The following TMCC2 variants were observed in gnomAD, a reference collection of about 807,000 sequenced individuals.
TMCC2 encodes the protein transmembrane and coiled-coil domain family 2.
A neutral mutation model predicts 49.4 loss-of-function variants in TMCC2; 16 were observed. The ratio of observed to expected loss-of-function variants is 0.32; its 90% confidence interval spans 0.22 to 0.49. The LOEUF (loss-of-function observed/expected upper bound fraction) is 0.49, where lower values mean the gene tolerates loss of function less well. Ranked by LOEUF, TMCC2 falls within the 20% of genes least tolerant of loss-of-function variation. The probability of loss-of-function intolerance (pLI) is 0.99; values close to 1 mark genes in which losing one functional copy is unlikely to be tolerated. For missense variants in TMCC2, 762 were observed against 989.8 expected, an observed-to-expected ratio of 0.77 and a Z score of 3.09; for synonymous variants, 397 against 434.1, an observed-to-expected ratio of 0.91 and a Z score of 1.06.
chr1:205,261,821 G>C (rs986624916), intron 2 of TMCC2, among the ~76,000 whole-genome samples: 4 of 152,190 alleles, frequency 2.6e-5, no homozygotes, highest in Non-Finnish European at 5.9e-5. Context: ...GTAAGTGACA[G>C]AGCCAGGATC....
intron 2 of TMCC2, among the ~76,000 whole-genome samples, chr1:205,260,153 G>A (rs1220755530): frequency 6.6e-6 from 1 of 152,222 alleles, no homozygotes; most frequent in Non-Finnish European, 1.5e-5. Context: ...TCTGGAGTCA[G>A]GTACCTGTGG....
intron 1 of TMCC2, among the ~76,000 whole-genome samples, chr1:205,238,113 G>T (rs750803229): frequency 3.3e-5 from 5 of 152,194 alleles, no homozygotes; most frequent in Non-Finnish European, 2.9e-5. Context: ...GACATTTTAG[G>T]AGCTGGAACC....
chr1:205,260,876 G>A (rs1661083340), intron 2 of TMCC2, among the ~76,000 whole-genome samples: 1 of 152,110 alleles, frequency 6.6e-6, no homozygotes, highest in African/African-American at 2.4e-5. Context: ...TTTCATGGCC[G>A]AATAGTATTT....
intron 3 of TMCC2, among the ~76,000 whole-genome samples, chr1:205,270,352 G>A (rs919044897): frequency 3.3e-5 from 5 of 152,120 alleles, no homozygotes; most frequent in Non-Finnish European, 5.9e-5. Flanking sequence ...CTGTAAAGTC[G>A]AAGCATGTGA....
chr1:205,257,388 A>G lies in TMCC2; in HGVS notation c.748-11562A>G, dbSNP rs1037105581. The stretch of plus-strand genomic sequence containing the variant: ...ACAGGTGAGGCGTCTGGTGGGTGGA[A>G]GGAGAGAATTTCACCGGGCGGGGTG... On this transcript the variant is annotated intron_variant, in intron 2 of 4. Transcript: ENST00000358024. The G allele has an allele frequency of 2.4e-6, 3 of 1,232,140 alleles. No individual in the cohort carries two copies. In the African/African-American group the frequency reaches 4.7e-5, roughly 19 times the overall value. 76.3% of individuals were successfully genotyped at this position (1,232,140 alleles called of 1,614,324 possible). A position where few individuals can be genotyped will look rare whatever the true frequency, so the allele number is the denominator to read the frequency against.
At position 205,228,717 on chromosome 1, in the gene TMCC2, C is replaced by T. The variant is rs1249469026; in HGVS notation, c.153C>T (p.Ala51=). 3 of 1,610,964 alleles carry T rather than the reference C, an allele frequency of 1.9e-6. No individual in the cohort carries two copies. Among genetic ancestry groups the T allele is most frequent in the Non-Finnish European group, 2.5e-6 (3 of 1,179,366 alleles). Residue 51 remains alanine (A), a synonymous_variant, in exon 1 of 5, where the codon GCC becomes GCT. Coordinates refer to ENST00000358024, the MANE Select transcript of TMCC2 (RefSeq NM_014858.4). ...ANSAGGPTSD[A]GAAAAPNPGP... is the part of the protein sequence containing the mutation. The stretch of plus-strand genomic sequence containing the variant: ...CTGCTGGCGGGCCAACTTCAGACGC[C>T]GGCGCTGCCGCGGCGCCCAACCCAG...
chr1:205,232,299 C>G (rs542602493), intron 1 of TMCC2, among the ~76,000 whole-genome samples: 2 of 152,332 alleles, frequency 1.3e-5, no homozygotes, highest in East Asian at 3.9e-4. Flanking sequence ...CTCAACTGTT[C>G]CACACACCTG....
chr1:205,262,517 G>A (rs1661158252), intron 2 of TMCC2, among the ~76,000 whole-genome samples: 1 of 152,204 alleles, frequency 6.6e-6, no homozygotes, highest in South Asian at 2.1e-4. Context: ...CTCCAGGGAT[G>A]GGGGCAGGGA....
Position 205,257,378 on chromosome 1 carries a change from G to A in TMCC2, c.748-11572G>A, listed in dbSNP as rs981849923. On this transcript the variant is annotated intron_variant, in intron 2 of 4. Transcript: ENST00000358024. ...CAGTGCCCACACAGGTGAGGCGTCTGGTGGGTGGAAGGAGAGAATTTCACC... is the reference window on the plus strand; with the variant it reads ...CAGTGCCCACACAGGTGAGGCGTCTAGTGGGTGGAAGGAGAGAATTTCACC... 6 of 1,232,218 alleles carry A rather than the reference G, an allele frequency of 4.9e-6. No homozygotes were observed. In the African/African-American group the frequency reaches 9.3e-5, roughly 19 times the overall value. 76.3% of individuals were successfully genotyped at this position (1,232,218 alleles called of 1,614,324 possible). A position where few individuals can be genotyped will look rare whatever the true frequency, so the allele number is the denominator to read the frequency against.
At chr1:205,265,927 A>G (rs1333963304) in intron 2 of TMCC2, among the ~76,000 whole-genome samples, 3 of 151,468 alleles carry the variant, frequency 2.0e-5, no homozygotes, top group Non-Finnish European at 4.4e-5. Context: ...ATCTGTGGAA[A>G]GGGCAGCAGC....
chr1:205,263,345 C>T (rs766997287), intron 2 of TMCC2, among the ~76,000 whole-genome samples: 1 of 152,074 alleles, frequency 6.6e-6, no homozygotes, highest in Non-Finnish European at 1.5e-5. Flanking sequence ...GAAGGCAGGA[C>T]GGGGCTGGGG....
In TMCC2 at chr1:205,269,278, G is replaced by A. The variant is rs766691266; in HGVS notation, c.1076G>A (p.Arg359Gln). ...QLHKKLEHYRRRLKEIEQNGP... is the reference protein window; with the variant it reads ...QLHKKLEHYRQRLKEIEQNGP... ...CACAAGAAGCTGGAGCACTACCGCC[G>A]GCGCCTGAAGGAGATTGAGCAGAAC... The change falls in exon 3 of 5, where the codon CGG becomes CAG. Residue 359 changes from arginine to glutamine, a missense_variant. Around this residue, in one of 2 missense-constraint regions of TMCC2, gnomAD observed 440 missense variants for 636.7 expected, o/e 0.69. Transcript: ENST00000358024. 7.4e-6 allele frequency: 12 copies of A among 1,613,616 alleles called. No homozygotes were observed. Among genetic ancestry groups the A allele is most frequent in the East Asian group, 4.5e-5 (2 of 44,898 alleles).
At chr1:205,254,709 A>C (rs1574852452) in intron 2 of TMCC2, among the ~76,000 whole-genome samples, 1 of 152,060 alleles carries the variant, frequency 6.6e-6, no homozygotes, top group African/African-American at 2.4e-5. Flanking sequence ...TGTTGGGGGC[A>C]GCTCTCCCCA....
At chr1:205,266,209 G>C (rs532799754) in intron 2 of TMCC2, among the ~76,000 whole-genome samples, 1 of 145,058 alleles carries the variant, frequency 6.9e-6, no homozygotes, top group South Asian at 2.2e-4. Flanking sequence ...CCACTGCACT[G>C]CAGCCTGGGC....
intron 2 of TMCC2, 62 bp from the exon 3 acceptor site, chr1:205,268,887 TC>T: frequency 6.5e-7 from 1 of 1,534,454 alleles, no homozygotes. Flanking sequence ...TCCAGAGGCA[TC>T]CAGGGGCACT....
intron 2 of TMCC2, among the ~76,000 whole-genome samples, chr1:205,255,494 G>T (rs1289362923): frequency 6.6e-6 from 1 of 152,174 alleles, no homozygotes; most frequent in Admixed American, 6.5e-5. Context: ...GGTGGAGGTT[G>T]CAGTGAGCCA....
chr1:205,229,545 C>CGGG lies in TMCC2; in HGVS notation c.207+785_207+787dup, dbSNP rs1241476015. The CGGG allele has an allele frequency of 3.2e-3, 945 of 298,500 alleles. 1 individual carries two copies. Among genetic ancestry groups the CGGG allele is most frequent in the African/African-American group, 0.012 (60 of 5,118 alleles). The allele number at this position is 298,500 out of a possible 1,614,324, so 18.5% of individuals were successfully genotyped here. A position where few individuals can be genotyped will look rare whatever the true frequency, so the allele number is the denominator to read the frequency against. On this transcript the variant is annotated intron_variant, in intron 1 of 4. Transcript: ENST00000358024. ...CTCAGTTTGCCGATCTGTGAAGGGG[C>CGGG]GGGGGGGGGGGGGTGGTGGCGGGGG...
chr1:205,246,865 C>T (rs998511872), intron 2 of TMCC2, among the ~76,000 whole-genome samples: 2 of 151,934 alleles, frequency 1.3e-5, no homozygotes, highest in African/African-American at 4.8e-5. Context: ...GGGCAGTGGG[C>T]ACTGTCGGAA....
intron 2 of TMCC2, among the ~76,000 whole-genome samples, chr1:205,266,450 G>T (rs1278940126): frequency 6.6e-6 from 1 of 151,714 alleles, no homozygotes; most frequent in African/African-American, 2.4e-5. Context: ...AAAATTAGCC[G>T]GGCGTGGCGG....
Sources: gnomAD v4.1 joint callset for allele counts (sites outside exome capture counted in the v4.1 genomes callset) on GRCh38, gnomAD v4.1.1 for gene constraint, gnomAD v4.1.1 regional missense constraint, MANE v1.5 for transcripts, NCBI Gene and HGNC (gene_info 2026-07-23, HGNC 2026-07-21) for gene names.